CD8A: variants seen among roughly 807,000 people sequenced by gnomAD.
CD8A encodes T-cell surface glycoprotein CD8 alpha chain.
In CD8A, 25 loss-of-function variants were observed where a neutral mutation model predicts 24.2. The observed-to-expected ratio is 1.03, with a 90% CI of 0.75 to 1.44. The LOEUF (loss-of-function observed/expected upper bound fraction) is 1.44, where lower values mean the gene tolerates loss of function less well. CD8A is among the 40% of genes most tolerant of loss of function. CD8A has a pLI of 0.00. For synonymous variants in CD8A, 165 were observed against 149.9 expected (o/e 1.10, Z -0.74); for missense variants, 360 against 319.7 (o/e 1.13, Z -0.96).
intron 3 of CD8A, among the ~76,000 whole-genome samples, chr2:86,797,349 T>C (rs568485655): frequency 1.7e-4 from 26 of 152,098 alleles, no homozygotes; most frequent in Non-Finnish European, 3.5e-4. Flanking sequence ...AATAAAACAT[T>C]GGCAAGGAAT....
At chr2:86,791,807 G>A (rs557958674), upstream of CD8A, 1 of 381,436 alleles carries the variant, frequency 2.6e-6, no homozygotes, top group Admixed American at 3.1e-5. Context: ...CAACCCCTGC[G>A]CTCTGTGCTT....
At chr2:86,787,555 C>CT (rs1195529282) in intron 5 of CD8A, among the ~76,000 whole-genome samples, 1 of 152,110 alleles carries the variant, frequency 6.6e-6, no homozygotes, top group Non-Finnish European at 1.5e-5. Flanking sequence ...ACTAAATGTT[C>CT]TAAGCCTCAG....
chr2:86,791,120 G>A, upstream of CD8A: 2 of 673,350 alleles, frequency 3.0e-6, no homozygotes, highest in South Asian at 1.5e-5. Context: ...ATGAGGAAAA[G>A]GGCTTGGAAA....
upstream of CD8A, chr2:86,791,472 C>G (rs1476325742): frequency 2.2e-6 from 1 of 453,116 alleles, no homozygotes; most frequent in South Asian, 1.6e-5. Context: ...CGCTGCTGAC[C>G]TCATTCTTCC....
In CD8A at chr2:86,785,691, G is replaced by A; in HGVS notation, c.*229C>T. 3 of 697,692 alleles carry A rather than the reference G, an allele frequency of 4.3e-6. No individual in the cohort carries two copies. The highest frequency in any genetic ancestry group is 7.9e-6 in the Non-Finnish European group (3 of 381,948). 43.2% of individuals were successfully genotyped at this position (697,692 alleles called of 1,614,324 possible). On this transcript the variant is annotated 3_prime_UTR_variant, in exon 6 of 6. Transcript: ENST00000283635. ...GCCCCTTTCCACGCCCTACCGCGAT[G>A]TGCGCACAACAGTATTGTGACCCTT...
chr2:86,787,689 A>G (rs1673074535), intron 5 of CD8A, among the ~76,000 whole-genome samples: 1 of 152,176 alleles, frequency 6.6e-6, no homozygotes, highest in African/African-American at 2.4e-5. Flanking sequence ...GGTTATTACT[A>G]TTGATAATCT....
chr2:86,808,136 G>A (rs990048726), exon 1 of CD8A: 1 of 152,418 alleles, frequency 6.6e-6, no homozygotes, highest in South Asian at 2.1e-4. Context: ...TACACAGCAA[G>A]CGCCTGAGCG....
intron 4 of CD8A, among the ~76,000 whole-genome samples, chr2:86,788,928 C>A (rs1191885638): frequency 6.6e-6 from 1 of 152,186 alleles, no homozygotes; most frequent in Admixed American, 6.5e-5. Flanking sequence ...GTGGGCGGTT[C>A]GCCGAAGAGG....
intron 2 of CD8A, among the ~76,000 whole-genome samples, chr2:86,801,866 C>G (rs947455926): frequency 7.2e-5 from 11 of 151,862 alleles, no homozygotes; most frequent in Admixed American, 6.6e-4. Context: ...TTAATTGGAC[C>G]ACAAAATTCA....
rs542949150 is a variant in CD8A, at chr2:86,790,584, G to A, written c.147C>T (p.Asn49=). Residue 49 remains asparagine (N), a synonymous_variant, in exon 2 of 6, where the codon AAC becomes AAT. Coordinates refer to ENST00000283635, the MANE Select transcript of CD8A (RefSeq NM_001768.7). ...AGAGCCACGAGCAGCCCGACGTCGGGTTGGACAGCAGCACCTGGCACTTCA... is the reference window on the plus strand; with the variant it reads ...AGAGCCACGAGCAGCCCGACGTCGGATTGGACAGCAGCACCTGGCACTTCA... The part of the protein sequence containing the change: ...VELKCQVLLS[N]PTSGCSWLFQ... 1.9e-6 allele frequency: 3 copies of A among 1,612,194 alleles called. No individual in the cohort carries two copies. Among genetic ancestry groups the A allele is most frequent in the African/African-American group, 2.7e-5 (2 of 75,058 alleles).
chr2:86,790,107 G>C (rs1673212443), intron 2 of CD8A, among the ~76,000 whole-genome samples: 2 of 152,216 alleles, frequency 1.3e-5, no homozygotes, highest in South Asian at 4.1e-4. Context: ...AATCACACAA[G>C]AATCCGAACT....
intron 2 of CD8A, 32 bp downstream of exon 2, chr2:86,790,296 C>A (rs773381009): frequency 6.7e-7 from 1 of 1,498,766 alleles, no homozygotes. Context: ...CCAAGCCCCA[C>A]GCGGAGAGGT....
At chr2:86,801,596 C>T (rs1181762367) in exon 3 of CD8A, 1 of 152,000 alleles carries the variant, frequency 6.6e-6, no homozygotes, top group Non-Finnish European at 1.5e-5. Flanking sequence ...CATCCATCCA[C>T]CTTGGCCTCC....
chr2:86,789,334 T>A lies in CD8A; in HGVS notation c.614A>T (p.Tyr205Phe). 6.2e-7 allele frequency: 1 copy of A among 1,606,160 alleles called. No homozygotes were observed. The highest frequency in any genetic ancestry group is 8.5e-7 in the Non-Finnish European group (1 of 1,172,816). The change falls in exon 4 of 6, where the codon TAC becomes TTC. Residue 205 changes from tyrosine to phenylalanine, a missense_variant. By Grantham distance (22) the Tyr-to-Phe change is conservative (BLOSUM62 3). Coordinates refer to ENST00000283635, the MANE Select transcript of CD8A (RefSeq NM_001768.7). Reference sequence around the variant, plus strand: ...TCCTCGGGACTTACTGTGGTTGCAGTAAAGGGTGATAACCAGTGACAGGAG... The same window carrying A: ...TCCTCGGGACTTACTGTGGTTGCAGAAAAGGGTGATAACCAGTGACAGGAG... ...VLLLSLVITL[Y>F]CNHRNRRRVC...
At chr2:86,800,214 C>T (rs1367839946) in intron 3 of CD8A, among the ~76,000 whole-genome samples, 2 of 151,998 alleles carry the variant, frequency 1.3e-5, no homozygotes, top group Non-Finnish European at 2.9e-5. Context: ...AATCCCAGCA[C>T]TCTGGGAGGC....
At chr2:86,788,961 A>C (rs2367370) in intron 4 of CD8A, among the ~76,000 whole-genome samples, 1 of 152,106 alleles carries the variant, frequency 6.6e-6, no homozygotes, top group African/African-American at 2.4e-5. Flanking sequence ...CCTCAAACTG[A>C]TGGTGGTTTT....
At chr2:86,787,884 G>GGA (rs142344123) in intron 5 of CD8A, among the ~76,000 whole-genome samples, 60,810 of 144,284 alleles carry the variant, frequency 0.42, 13,335 homozygotes, top group East Asian at 0.77. Context: ...TAACAGAGAG[G>GGA]GAGAGAGAGA....
chr2:86,785,370 G>A lies in CD8A; in HGVS notation c.*550C>T, dbSNP rs1438556082. 1 of 454,250 alleles carries A rather than the reference G, an allele frequency of 2.2e-6. No homozygotes were observed. The highest frequency in any genetic ancestry group is 4.4e-6 in the Non-Finnish European group (1 of 226,918). 28.1% of individuals were successfully genotyped at this position (454,250 alleles called of 1,614,324 possible). On this transcript the variant is annotated 3_prime_UTR_variant, in exon 6 of 6. Transcript: ENST00000283635. ...TTACCTCCTCGAGGCTCTGGGCACA[G>A]TATCCCAGGTATCAAGAAGTACTTG... is the stretch of plus-strand genomic sequence containing the variant.
In CD8A at chr2:86,790,374, G is replaced by A; in HGVS notation, c.357C>T (p.Ser119=). The change falls in exon 2 of 6, where the codon AGC becomes AGT. Residue 119 remains serine (S), a synonymous_variant. Coordinates refer to ENST00000283635, the MANE Select transcript of CD8A (RefSeq NM_001768.7). ...AGTGGCTGAAGTACATGATGGAGTT[G>A]CTCAGGGCCGAGCAGAAATAGTAGC... The part of the protein sequence containing the change: ...NEGYYFCSAL[S]NSIMYFSHFV... 1 of 1,614,102 alleles carries A rather than the reference G, an allele frequency of 6.2e-7. No homozygotes were observed. The highest frequency in any genetic ancestry group is 8.5e-7 in the Non-Finnish European group (1 of 1,180,022).
Sources: gnomAD v4.1 joint callset for allele counts (sites outside exome capture counted in the v4.1 genomes callset) on GRCh38, gnomAD v4.1.1 for gene constraint, MANE v1.5 for transcripts, NCBI Gene and HGNC (gene_info 2026-07-23, HGNC 2026-07-21) for gene names.